Variants in TTC34 observed in about 807,000 individuals in gnomAD.
TTC34 encodes the protein tetratricopeptide repeat protein 34.
A neutral mutation model predicts 40.7 loss-of-function variants in TTC34; 44 were observed. The observed-to-expected ratio is 1.08, with a 90% confidence interval of 0.85 to 1.39. The LOEUF (loss-of-function observed/expected upper bound fraction) is 1.39, where lower values mean the gene tolerates loss of function less well. Among genes scored for constraint, TTC34 ranks in the 40% most tolerant of loss-of-function variants. The pLI is 0.00. For missense variants in TTC34, 884 were observed against 838.0 expected, an observed-to-expected ratio of 1.05 and a Z score of -0.68; for synonymous variants, 422 against 398.6, an observed-to-expected ratio of 1.06 and a Z score of -0.70.
At chr1:2,641,500 C>T (rs1216483745) in exon 9 of TTC34, 2 of 1,535,662 alleles carry the variant, frequency 1.3e-6, no homozygotes, top group South Asian at 2.4e-5. Context: ...GCTGCTCCTC[C>T]AGGCAGCACT....
chr1:2,684,357 C>G (rs1299335111), intron 6 of TTC34, among the ~76,000 whole-genome samples: 1 of 147,274 alleles, frequency 6.8e-6, no homozygotes, highest in Non-Finnish European at 1.5e-5. Context: ...CACCCACACC[C>G]ACAGGTGAGC....
intron 6 of TTC34, among the ~76,000 whole-genome samples, chr1:2,677,769 C>A (rs1639967237): frequency 1.6e-5 from 2 of 125,140 alleles, no homozygotes; most frequent in Non-Finnish European, 3.4e-5. Flanking sequence ...ACAGCACCCA[C>A]ACCCCCAGGT....
intron 6 of TTC34, among the ~76,000 whole-genome samples, chr1:2,681,246 C>G (rs1224532131): frequency 1.7e-5 from 2 of 120,622 alleles, no homozygotes; most frequent in African/African-American, 6.6e-5. Context: ...ATCCGACAGC[C>G]TGGAGCAGCA....
chr1:2,686,644 C>G (rs571527469), intron 6 of TTC34, among the ~76,000 whole-genome samples: 1 of 151,448 alleles, frequency 6.6e-6, no homozygotes, highest in Non-Finnish European at 1.5e-5. Flanking sequence ...ACCCACACAC[C>G]CAGGTGAGCA....
rs1460810829 is a variant in TTC34 at position 2,644,286 on chromosome 1, G to A, written c.2690C>T (p.Ser897Leu). 11 of 1,534,686 alleles carry A rather than the reference G, an allele frequency of 7.2e-6. No homozygotes were observed. In the African/African-American group the frequency reaches 8.2e-5, roughly 11 times the overall value. ...CACCTGGGCAAGGCTCTGCCGCTCC[G>A]AGGCCTCCAGGAGATGCAGCAGGCA... is the stretch of plus-strand genomic sequence containing the variant. The change falls in exon 8 of 9, where the codon TCG becomes TTG. Residue 897 changes from serine (S) to leucine (L), a missense_variant. Physicochemically the swap from Ser to Leu is moderately radical, Grantham distance 145 (BLOSUM62 -2). Coordinates refer to ENST00000401095, the Ensembl canonical transcript of TTC34.
At position 2,645,232 on chromosome 1, in the gene TTC34, G is replaced by A. The variant is rs1053127562; in HGVS notation, c.2497+61C>T. On this transcript the variant is annotated intron_variant, in intron 7 of 8. Transcript: ENST00000401095. This position sits in a 1 kb window ranked among gnomAD's most constrained non-coding sequence, Gnocchi z 4.7. ...CATTTTTACAGAACAGGATACAGAG[G>A]TCAGAGGAGCGGGGACAGAAGCCCA... 1 of 1,427,902 alleles carries A rather than the reference G, an allele frequency of 7.0e-7. No individual in the cohort carries two copies. Among genetic ancestry groups the A allele is most frequent in the African/African-American group, 1.4e-5 (1 of 69,558 alleles). 88.5% of individuals were successfully genotyped at this position (1,427,902 alleles called of 1,614,324 possible).
intron 6 of TTC34, chr1:2,776,048 G>A (rs1347125482): frequency 2.9e-5 from 4 of 135,778 alleles, no homozygotes; most frequent in Admixed American, 7.1e-5. Flanking sequence ...TCCACCCCCA[G>A]GTGAGCATCT....
At chr1:2,681,641 G>C (rs1640079285) in intron 6 of TTC34, among the ~76,000 whole-genome samples, 1 of 72,948 alleles carries the variant, frequency 1.4e-5, no homozygotes, top group African/African-American at 4.8e-5. Context: ...GCGAGCACCT[G>C]ACAGCCTGGA....
chr1:2,751,706 C>T (rs1361345402), intron 6 of TTC34, among the ~76,000 whole-genome samples: 2 of 146,120 alleles, frequency 1.4e-5, no homozygotes, highest in Non-Finnish European at 1.5e-5. Flanking sequence ...GAGCATCCGA[C>T]AGCCTGGAGC....
rs148146168 is a variant in TTC34, at chr1:2,782,332, G to A, written c.2226+1277C>T. Among the ~76,000 whole-genome samples the A allele has an allele frequency of 5.7e-3, 869 of 152,164 alleles. 9 individuals carry two copies. The highest frequency in any genetic ancestry group is 0.018 in the Admixed American group (271 of 15,288). On this transcript the variant is annotated intron_variant, in intron 6 of 8. Transcript: ENST00000401095. ...TCTTATAATTATTTTTATTTCTGTAGAATTGGTAATAACCTGATTTTCATT... is the reference window on the plus strand; with the variant it reads ...TCTTATAATTATTTTTATTTCTGTAAAATTGGTAATAACCTGATTTTCATT...
At chr1:2,646,323 TGTTATC>T (rs1639021261) in intron 6 of TTC34, among the ~76,000 whole-genome samples, 2 of 152,206 alleles carry the variant, frequency 1.3e-5, no homozygotes, top group African/African-American at 4.8e-5. Flanking sequence ...CCATACTTTG[TGTTATC>T]GTTGTCCTAC....
intron 6 of TTC34, among the ~76,000 whole-genome samples, chr1:2,652,504 G>T (rs61765779): frequency 6.9e-5 from 6 of 86,602 alleles, no homozygotes; most frequent in East Asian, 3.3e-4. Flanking sequence ...AGCATCTGAC[G>T]GCCTGCAACA....
chr1:2,747,709 ACCC>A (rs1183304681), intron 6 of TTC34, among the ~76,000 whole-genome samples: 3 of 29,302 alleles, frequency 1.0e-4, no homozygotes, highest in African/African-American at 5.0e-4. Flanking sequence ...TTGGAACAGC[ACCC>A]CGCACCCCCA....
chr1:2,641,740 G>A (rs758269148), exon 9 of TTC34: 41 of 1,535,224 alleles, frequency 2.7e-5, no homozygotes, highest in Non-Finnish European at 8.7e-7. Flanking sequence ...GGTCCCTAAG[G>A]GCCCGGCCAA....
chr1:2,749,018 G>A (rs1362932902), intron 6 of TTC34, among the ~76,000 whole-genome samples: 118 of 145,064 alleles, frequency 8.1e-4, no homozygotes, highest in Middle Eastern at 3.6e-3. Context: ...GTGAGCATCT[G>A]ACAGCCTGGA....
chr1:2,759,718 C>T (rs1304653848), intron 6 of TTC34, among the ~76,000 whole-genome samples: 5 of 72,744 alleles, frequency 6.9e-5, no homozygotes, highest in Admixed American at 2.6e-4. Context: ...AGGACCCACA[C>T]CCCGAGGTGA....
At chr1:2,788,106 T>C (rs1469950464) in intron 3 of TTC34, among the ~76,000 whole-genome samples, 1 of 152,236 alleles carries the variant, frequency 6.6e-6, no homozygotes, top group Non-Finnish European at 1.5e-5. Context: ...TGTGGGAATG[T>C]TACTGAGTGC....
chr1:2,652,313 G>C (rs112215126), intron 6 of TTC34, among the ~76,000 whole-genome samples: 2 of 1,028 alleles, frequency 1.9e-3, no homozygotes, highest in Admixed American at 8.6e-3. Context: ...ACAGCCTGGA[G>C]CAGCACCCAC....
At chr1:2,657,507 G>A (rs1570766376) in intron 6 of TTC34, among the ~76,000 whole-genome samples, 1 of 97,532 alleles carries the variant, frequency 1.0e-5, no homozygotes, top group Non-Finnish European at 2.7e-5. Flanking sequence ...ACAACCCCAG[G>A]CGAGCATCTG....
Sources: gnomAD v4.1 joint callset for allele counts (sites outside exome capture counted in the v4.1 genomes callset) on GRCh38, gnomAD v4.1.1 for gene constraint, Gnocchi (gnomAD v3.1) non-coding constraint, MANE v1.5 for transcripts, NCBI Gene and HGNC (gene_info 2026-07-23, HGNC 2026-07-21) for gene names.